The following EMID1 variants were observed in gnomAD, a reference collection of about 807,000 sequenced individuals.
EMID1 encodes the protein EMI domain containing 1.
Under a neutral mutation model 60.6 loss-of-function variants are expected in EMID1, and 40 were observed. The observed-to-expected ratio is 0.66, with a 90% CI of 0.51 to 0.86. The LOEUF (loss-of-function observed/expected upper bound fraction) is 0.86, where lower values mean the gene tolerates loss of function less well. EMID1 is among the 40% of genes least tolerant of loss of function. EMID1 has a pLI of 0.00. For synonymous variants in EMID1, 242 were observed against 231.0 expected (o/e 1.05, Z -0.43); for missense variants, 585 against 597.1 (o/e 0.98, Z 0.21).
chr22:29,222,084 G>A (rs1177937103), intron 3 of EMID1, among the ~76,000 whole-genome samples: 1 of 152,106 alleles, frequency 6.6e-6, no homozygotes. Context: ...ACACTCTAGT[G>A]TGACATTAAA....
At chr22:29,258,306 T>A (rs2041777637) in intron 14 of EMID1, among the ~76,000 whole-genome samples, 1 of 152,158 alleles carries the variant, frequency 6.6e-6, no homozygotes, top group African/African-American at 2.4e-5. Flanking sequence ...TGTCCCTGTT[T>A]CAGAGATGAG....
At chr22:29,231,707 C>T (rs769551739) in intron 7 of EMID1, 25 bp downstream of exon 7, 22 of 1,440,578 alleles carry the variant, frequency 1.5e-5, no homozygotes, top group Non-Finnish European at 1.9e-5. Context: ...TGCTGCCCCA[C>T]AGCTCCTCTG....
chr22:29,207,292 G>T (rs996633463), intron 1 of EMID1, among the ~76,000 whole-genome samples: 1 of 152,228 alleles, frequency 6.6e-6, no homozygotes. Context: ...ACCACCTATT[G>T]TGTGCAGACA....
intron 8 of EMID1, chr22:29,232,643 A>C: frequency 2.1e-6 from 1 of 480,582 alleles, no homozygotes; most frequent in Non-Finnish European, 3.6e-6. Flanking sequence ...AACGGCTTCA[A>C]ACCCAGGCTG....
At chr22:29,238,497 A>C (rs1213533481) in intron 12 of EMID1, among the ~76,000 whole-genome samples, 4 of 141,726 alleles carry the variant, frequency 2.8e-5, no homozygotes, top group African/African-American at 1.1e-4. Flanking sequence ...GGCTCACTGC[A>C]ACCTCCGCTT....
intron 8 of EMID1, 161 bp from the exon 9 acceptor site, chr22:29,233,218 A>G: frequency 1.4e-6 from 1 of 713,956 alleles, no homozygotes; most frequent in East Asian, 2.5e-5. Context: ...CGGGACCAAC[A>G]CTCTCCACAC....
rs377262819 is a variant in EMID1, at chr22:29,253,033, G to C, written c.1120-1170G>C. On this transcript the variant is annotated intron_variant, in intron 13 of 14. Transcript: ENST00000334018. ...ATACTGATGGTCCCCAGCTTACGATGGTTCAAATTACAATTTTTCAACTTT... is the reference window on the plus strand; with the variant it reads ...ATACTGATGGTCCCCAGCTTACGATCGTTCAAATTACAATTTTTCAACTTT... Among the ~76,000 whole-genome samples, 70 of 152,284 alleles carry C rather than the reference G, an allele frequency of 4.6e-4. No individual in the cohort carries two copies. In the East Asian group the frequency reaches 0.013, roughly 29 times the overall value.
At chr22:29,231,452 C>T (rs751294901) in intron 6 of EMID1, 141 bp from the exon 7 acceptor site, 71 of 946,024 alleles carry the variant, frequency 7.5e-5, no homozygotes, top group Non-Finnish European at 1.1e-4. Context: ...ACCCCCCCCA[C>T]CCCAGGGCTG....
Position 29,205,918 on chromosome 22 carries a change from G to T in EMID1, c.-121G>T. The T allele has an allele frequency of 2.6e-6, 1 of 386,874 alleles. No homozygotes were observed. Among genetic ancestry groups the T allele is most frequent in the Non-Finnish European group, 3.5e-6 (1 of 282,788 alleles). 24.0% of individuals were successfully genotyped at this position (386,874 alleles called of 1,614,324 possible). ...CCCGCCTCCTGCCCGCCCTCCGGCC[G>T]CGGAGCTGGAAACCGGGCTCCGCGC... On this transcript the variant is annotated 5_prime_UTR_variant, in exon 1 of 15. Transcript: ENST00000334018.
intron 13 of EMID1, among the ~76,000 whole-genome samples, chr22:29,246,358 G>GT (rs1201970985): frequency 1.3e-5 from 2 of 152,110 alleles, no homozygotes; most frequent in Non-Finnish European, 2.9e-5. Context: ...ATGCGGTCAG[G>GT]TTTTTTTTAT....
At chr22:29,235,474 C>G (rs1435525263) in intron 12 of EMID1, among the ~76,000 whole-genome samples, 1 of 151,416 alleles carries the variant, frequency 6.6e-6, no homozygotes, top group African/African-American at 2.4e-5. Context: ...GTTTAGCCAT[C>G]TTGCTGTTTA....
Position 29,229,611 on chromosome 22 carries a change from C to T in EMID1, c.466-1409C>T, listed in dbSNP as rs189210742. On this transcript the variant is annotated intron_variant, in intron 5 of 14. Coordinates refer to ENST00000334018, the MANE Select transcript of EMID1 (RefSeq NM_133455.4). ...TGAGCCAAGATCACGCCATTGCACTCCAGCCTGGGCAACAAGAGCAAAACT... is the reference window on the plus strand; with the variant it reads ...TGAGCCAAGATCACGCCATTGCACTTCAGCCTGGGCAACAAGAGCAAAACT... 3.0e-3 allele frequency among the ~76,000 whole-genome samples: 456 copies of T among 150,754 alleles called. 2 individuals are homozygous for T. Among genetic ancestry groups the T allele is most frequent in the African/African-American group, 0.01 (417 of 40,950 alleles).
At chr22:29,231,829 C>G in intron 7 of EMID1, 147 bp downstream of exon 7, 1 of 738,690 alleles carries the variant, frequency 1.4e-6, no homozygotes, top group Non-Finnish European at 2.1e-6. Flanking sequence ...AGTGCCCTGC[C>G]CACGCCTGGG....
At chr22:29,240,382 G>GTA (rs2041108891) in intron 12 of EMID1, among the ~76,000 whole-genome samples, 1 of 140,290 alleles carries the variant, frequency 7.1e-6, no homozygotes, top group Non-Finnish European at 1.6e-5. Context: ...TTGCACGTCT[G>GTA]ACATAATGTA....
chr22:29,249,319 T>A (rs2041437774), intron 13 of EMID1, among the ~76,000 whole-genome samples: 1 of 151,382 alleles, frequency 6.6e-6, no homozygotes, highest in Non-Finnish European at 1.5e-5. Flanking sequence ...CAGGCTGGAG[T>A]GCAGTGGCGT....
At chr22:29,248,259 C>CTTT (rs33924066) in intron 13 of EMID1, among the ~76,000 whole-genome samples, 1 of 116,068 alleles carries the variant, frequency 8.6e-6, no homozygotes, top group Non-Finnish European at 1.7e-5. Context: ...GTGCCTGGCC[C>CTTT]TTTTTTTTTT....
At chr22:29,224,765 C>T (rs2040435650) in intron 3 of EMID1, among the ~76,000 whole-genome samples, 1 of 152,234 alleles carries the variant, frequency 6.6e-6, no homozygotes, top group Admixed American at 6.5e-5. Flanking sequence ...TCCCATTTTA[C>T]AGATGGGAAA....
In EMID1 at chr22:29,227,444, C is replaced by G. The variant is rs866277953; in HGVS notation, c.465+893C>G. On this transcript the variant is annotated intron_variant, in intron 5 of 14. Transcript: ENST00000334018. ...GTACTGCTTGGCGCAGCGGCTCACACCTGTAATCTCCATACTTTAGGAGGC... is the reference window on the plus strand; with the variant it reads ...GTACTGCTTGGCGCAGCGGCTCACAGCTGTAATCTCCATACTTTAGGAGGC... Among the ~76,000 whole-genome samples, 5 of 151,942 alleles carry G rather than the reference C, an allele frequency of 3.3e-5. No individual in the cohort carries two copies. In the Middle Eastern group the frequency reaches 0.014, roughly 413 times the overall value.
chr22:29,234,147 G>C lies in EMID1; in HGVS notation c.977G>C (p.Gly326Ala). The change falls in exon 11 of 15, where the codon GGC (glycine) becomes GCC (alanine). Residue 326 changes from glycine (G) to alanine (A), a missense_variant. Gly to Ala is a moderately conservative substitution (Grantham distance 60, BLOSUM62 0). Transcript: ENST00000334018. ...TGTCTTGTTGCTCAGGGACCCCCAG[G>C]CCCCACTGGACCCAAAGGAATCTCT... ...PGSPGHIGPP[G>A]PTGPKGISGH... 2 of 1,592,808 alleles carry C rather than the reference G, an allele frequency of 1.3e-6. No individual in the cohort carries two copies. Among genetic ancestry groups the C allele is most frequent in the Non-Finnish European group, 1.7e-6 (2 of 1,169,094 alleles).
Sources: gnomAD v4.1 joint callset for allele counts (sites outside exome capture counted in the v4.1 genomes callset) on GRCh38, gnomAD v4.1.1 for gene constraint, MANE v1.5 for transcripts, NCBI Gene and HGNC (gene_info 2026-07-23, HGNC 2026-07-21) for gene names.